Variants in FAM20C observed in about 807,000 individuals in gnomAD.
FAM20C encodes the protein FAM20C golgi associated secretory pathway kinase.
A neutral mutation model predicts 51.5 loss-of-function variants in FAM20C; 40 were observed. The ratio of observed to expected loss-of-function variants is 0.78; its 90% CI spans 0.60 to 1.01. FAM20C has a LOEUF of 1.01. Ranked by LOEUF, FAM20C falls within the 50% of genes least tolerant of loss-of-function variation. FAM20C has a pLI of 0.00. For synonymous variants in FAM20C, 406 were observed against 380.6 expected (o/e 1.07, Z -0.78); for missense variants, 861 against 844.7 (o/e 1.02, Z -0.24).
chr7:200,252 C>A (rs1353899058), intron 2 of FAM20C, among the ~76,000 whole-genome samples: 18 of 150,828 alleles, frequency 1.2e-4, no homozygotes, highest in Admixed American at 1.2e-3. Context: ...ACTGCCCCTG[C>A]AGGTCACGGT....
At chr7:228,074 A>T (rs28378474) in intron 3 of FAM20C, 8,644 of 229,502 alleles carry the variant, frequency 0.038, 477 homozygotes, top group African/African-American at 0.14. Flanking sequence ...GAAGCCCTTT[A>T]GCCGCACCAC....
chr7:193,704 C>T lies in FAM20C; in HGVS notation c.505C>T (p.Leu169Phe), dbSNP rs1391952907. The change falls in exon 1 of 10, where the codon CTT becomes TTT. Residue 169 changes from leucine to phenylalanine, a missense_variant. Physicochemically the swap from Leu to Phe is conservative, Grantham distance 22. Coordinates refer to ENST00000313766, the MANE Select transcript of FAM20C (RefSeq NM_020223.4). ...SLLARLFEHP[L>F]YRVAVPPLTE... The stretch of plus-strand genomic sequence containing the variant: ...CCTGGCCAGGCTGTTCGAGCACCCG[C>T]TTTACCGGGTGGCGGTTCCGCCGCT... The T allele has an allele frequency of 6.5e-7, 1 of 1,546,288 alleles. No individual in the cohort carries two copies. Among genetic ancestry groups the T allele is most frequent in the East Asian group, 2.5e-5 (1 of 40,670 alleles).
chr7:252,388 C>T (rs972319638), intron 5 of FAM20C, among the ~76,000 whole-genome samples: 3 of 148,450 alleles, frequency 2.0e-5, no homozygotes, highest in Admixed American at 6.7e-5. Flanking sequence ...GACACCCCCT[C>T]GGCCTTCCGA....
At chr7:250,308 A>C (rs995752155) in intron 5 of FAM20C, among the ~76,000 whole-genome samples, 1 of 152,118 alleles carries the variant, frequency 6.6e-6, no homozygotes, top group African/African-American at 2.4e-5. Flanking sequence ...CGAGATCCTC[A>C]TTTGCTTTCT....
intron 3 of FAM20C, among the ~76,000 whole-genome samples, chr7:243,004 G>C (rs1197680259): frequency 6.7e-6 from 1 of 150,326 alleles, no homozygotes; most frequent in Non-Finnish European, 1.5e-5. Flanking sequence ...CGGGAGACCT[G>C]TGCCACCAGG....
chr7:203,261 C>T (rs759914406), intron 2 of FAM20C, among the ~76,000 whole-genome samples: 34 of 152,248 alleles, frequency 2.2e-4, no homozygotes, highest in South Asian at 6.2e-4. Flanking sequence ...AGGGCGTCTC[C>T]GTCAGTCCCG....
chr7:258,162 A>ACTGACTGGGGTGCTGGAGATGGGTG lies in FAM20C; in HGVS notation c.1446-484_1446-483insCTGACTGGGGTGCTGGAGATGGGTG, dbSNP rs1788696532. Among the ~76,000 whole-genome samples, 5 of 29,336 alleles carry ACTGACTGGGGTGCTGGAGATGGGTG rather than the reference A, an allele frequency of 1.7e-4. 2 individuals carry two copies. Among genetic ancestry groups the ACTGACTGGGGTGCTGGAGATGGGTG allele is most frequent in the African/African-American group, 7.8e-4 (5 of 6,420 alleles). 19.2% of individuals were successfully genotyped at this position (29,336 alleles called of 152,430 possible). The stretch of plus-strand genomic sequence containing the variant: ...ACTGACTGGGGTGCTGGAGATAGGC[A>ACTGACTGGGGTGCTGGAGATGGGTG]GGGTGGACCCACTGCCTGAGGTGCT... On this transcript the variant is annotated intron_variant, in intron 8 of 9. Transcript: ENST00000313766.
In FAM20C at chr7:193,637, T is replaced by A. The variant is rs1274813298; in HGVS notation, c.438T>A (p.Arg146=). 9.8e-6 allele frequency: 15 copies of A among 1,537,954 alleles called. No homozygotes were observed. The South Asian group carries it at 1.8e-4, about 18-fold the overall frequency. ...HRPLLRDPGP[R]RSESPPGPGG... ...CGCTGCTGCGAGACCCCGGCCCGCGTCGGTCCGAGTCGCCCCCCGGCCCCG... is the reference window on the plus strand; with the variant it reads ...CGCTGCTGCGAGACCCCGGCCCGCGACGGTCCGAGTCGCCCCCCGGCCCCG... Residue 146 remains arginine (R), a synonymous_variant, in exon 1 of 10, where the codon CGT becomes CGA. Coordinates refer to ENST00000313766, the MANE Select transcript of FAM20C (RefSeq NM_020223.4).
chr7:193,821 AGGTGCCCACC>A lies in FAM20C; in HGVS notation c.605+18_605+27del. The stretch of plus-strand genomic sequence containing the variant: ...CCCGGACTGGTGAGTGGGGGCTGGC[AGGTGCCCACC>A]CCCAAGGGAGCCGTGAGCCCAAGGC... On this transcript the variant is annotated intron_variant, in intron 1 of 9. Transcript: ENST00000313766. 1 of 1,552,188 alleles carries A rather than the reference AGGTGCCCACC, an allele frequency of 6.4e-7. No individual in the cohort carries two copies. Among genetic ancestry groups the A allele is most frequent in the South Asian group, 1.2e-5 (1 of 84,092 alleles).
At chr7:241,223 T>C (rs1014201904) in intron 3 of FAM20C, among the ~76,000 whole-genome samples, 1 of 152,080 alleles carries the variant, frequency 6.6e-6, no homozygotes, top group East Asian at 1.9e-4. Flanking sequence ...TGGCAGGAAG[T>C]GGCCCGAGGG....
At chr7:217,395 C>T (rs1787040951) in intron 3 of FAM20C, among the ~76,000 whole-genome samples, 1 of 152,274 alleles carries the variant, frequency 6.6e-6, no homozygotes, top group African/African-American at 2.4e-5. Context: ...AGCTCCAGCC[C>T]CTCCCGGGTG....
At chr7:208,810 G>T in intron 2 of FAM20C, 88 bp from the exon 3 acceptor site, 1 of 1,368,382 alleles carries the variant, frequency 7.3e-7, no homozygotes, top group South Asian at 1.3e-5. Context: ...CAGAGGACCC[G>T]GATTGCAGCC....
intron 3 of FAM20C, among the ~76,000 whole-genome samples, chr7:214,838 C>T (rs1287328608): frequency 6.6e-6 from 1 of 152,166 alleles, no homozygotes; most frequent in Non-Finnish European, 1.5e-5. Context: ...TGGAAAGAAG[C>T]TTCCAGGCAT....
At position 259,722 on chromosome 7, in the gene FAM20C, C is replaced by T; in HGVS notation, c.1506-9C>T. 2 of 1,530,020 alleles carry T rather than the reference C, an allele frequency of 1.3e-6. No homozygotes were observed. The highest frequency in any genetic ancestry group is 2.5e-5 in the East Asian group (1 of 40,730). The allele number at this position is 1,530,020 out of a possible 1,614,324, so 94.8% of individuals were successfully genotyped here. A position where few individuals can be genotyped will look rare whatever the true frequency, so the allele number is the denominator to read the frequency against. On this transcript the variant is annotated splice_polypyrimidine_tract_variant and intron_variant, in intron 9 of 9. Transcript: ENST00000313766. ...CCCGTGCCAGGCCTGATGCCCCTCT[C>T]CTCCCCAGGATCCGGAAGTCCACCT...
intron 2 of FAM20C, among the ~76,000 whole-genome samples, chr7:207,903 G>A (rs1053499375): frequency 2.9e-4 from 44 of 152,368 alleles, no homozygotes; most frequent in African/African-American, 9.9e-4. Context: ...AAATCCCGAG[G>A]TGGTGGGAGG....
Position 193,471 on chromosome 7 carries a change from T to C in FAM20C, c.272T>C (p.Leu91Pro), listed in dbSNP as rs1361852648. The change falls in exon 1 of 10, where the codon CTG (leucine) becomes CCG (proline). Residue 91 changes from leucine (L) to proline (P), a missense_variant. By Grantham distance (98) the Leu-to-Pro change is moderately conservative (BLOSUM62 -3). Around this residue, in one of 3 missense-constraint regions of FAM20C, gnomAD observed 561 missense variants for 499.8 expected, o/e 1.12. Transcript: ENST00000313766. ...GWPNKHTLRILQDFSSDPSSN... is the reference protein window; with the variant it reads ...GWPNKHTLRIPQDFSSDPSSN... ...CCCAACAAGCACACGCTCCGCATCCTGCAGGACTTCAGCTCCGACCCCTCC... is the reference window on the plus strand; with the variant it reads ...CCCAACAAGCACACGCTCCGCATCCCGCAGGACTTCAGCTCCGACCCCTCC... 2.0e-6 allele frequency: 3 copies of C among 1,492,120 alleles called. No individual in the cohort carries two copies. Among genetic ancestry groups the C allele is most frequent in the African/African-American group, 1.5e-5 (1 of 68,630 alleles). 92.4% of individuals were successfully genotyped at this position (1,492,120 alleles called of 1,614,324 possible). A position where few individuals can be genotyped will look rare whatever the true frequency, so the allele number is the denominator to read the frequency against.
chr7:251,381 G>A (rs1788401017), intron 5 of FAM20C, among the ~76,000 whole-genome samples: 1 of 152,178 alleles, frequency 6.6e-6, no homozygotes, highest in Admixed American at 6.5e-5. Context: ...AGCCAGGTCT[G>A]GTGGCATGCA....
At chr7:212,875 A>G (rs572063448) in intron 3 of FAM20C, among the ~76,000 whole-genome samples, 1 of 152,300 alleles carries the variant, frequency 6.6e-6, no homozygotes, top group East Asian at 1.9e-4. Context: ...TCGGCTCAGA[A>G]CTGTGCGTTC....
At chr7:259,034 C>T (rs1020953045) in intron 9 of FAM20C, among the ~76,000 whole-genome samples, 2 of 152,250 alleles carry the variant, frequency 1.3e-5, no homozygotes, top group African/African-American at 2.4e-5. Flanking sequence ...ACGCAGCTGC[C>T]GGTCTCTGCC....
Sources: allele counts gnomAD v4.1 joint callset (sites outside exome capture counted in the v4.1 genomes callset), GRCh38; gene constraint gnomAD v4.1.1; regional missense constraint gnomAD v4.1.1; transcripts MANE v1.5; gene names NCBI Gene and HGNC (gene_info 2026-07-23, HGNC 2026-07-21).